The following SHROOM2 variants were observed in gnomAD, a reference collection of about 807,000 sequenced individuals.
The protein encoded by SHROOM2 is protein Shroom2.
SHROOM2 carries 33 observed loss-of-function variants against 75.9 expected under a neutral mutation model. The ratio of observed to expected loss-of-function variants is 0.43; its 90% CI spans 0.33 to 0.58. SHROOM2 has a LOEUF of 0.58. Among genes scored for constraint, SHROOM2 ranks in the 20% least tolerant of loss-of-function variants. The probability of loss-of-function intolerance (pLI) is 0.04; values close to 1 mark genes in which losing one functional copy is unlikely to be tolerated. For synonymous variants in SHROOM2, 655 were observed against 663.6 expected, an observed-to-expected ratio of 0.99 and a Z score of 0.20; for missense variants, 1,434 against 1,461.2, an observed-to-expected ratio of 0.98 and a Z score of 0.30.
chrX:9,863,614 G>GT (rs1569152797), intron 1 of SHROOM2, among the ~76,000 whole-genome samples: 8 of 62,771 alleles, frequency 1.3e-4, no homozygotes, highest in Non-Finnish European at 2.8e-4. Flanking sequence ...ATTTTTTTTT[G>GT]GGGGGGGTGT....
In SHROOM2 at chrX:9,884,029, A is replaced by G. The variant is rs758115853; in HGVS notation, c.318-6948A>G. Among the ~76,000 whole-genome samples the G allele has an allele frequency of 1.7e-4, 19 of 111,554 alleles. No homozygotes were observed. In the East Asian group the frequency reaches 4.8e-3, roughly 28 times the overall value. On this transcript the variant is annotated intron_variant, in intron 2 of 9. Coordinates refer to ENST00000380913, the MANE Select transcript of SHROOM2 (RefSeq NM_001649.4). ...TCTTCCTTATCTCCAAGAAGCCCTTAGAAACTATTATTTATCTGTTTTCCC... is the reference window on the plus strand; with the variant it reads ...TCTTCCTTATCTCCAAGAAGCCCTTGGAAACTATTATTTATCTGTTTTCCC...
chrX:9,836,292 C>T (rs1203811221), intron 1 of SHROOM2, among the ~76,000 whole-genome samples: 3 of 112,113 alleles, frequency 2.7e-5, no homozygotes, highest in African/African-American at 9.7e-5. Context: ...AGGGGAACCC[C>T]TGGCAGCATA....
At position 9,786,598 on chromosome X, in the gene SHROOM2, C is replaced by A. The variant is rs1049699543; in HGVS notation, c.53C>A (p.Thr18Lys). ...ARPERLAEAE[T>K]RAADGGRLVE... ...CCCGAGCGCCTGGCCGAGGCCGAGA[C>A]GCGGGCGGCGGACGGCGGGCGCCTG... The change falls in exon 1 of 10, where the codon ACG becomes AAG. Residue 18 changes from threonine (T) to lysine (K), a missense_variant. This residue lies in a region of SHROOM2 where 1,340 missense variants were observed against 1,338.3 expected (regional missense o/e 1.00). Transcript: ENST00000380913. 7 of 872,753 alleles carry A rather than the reference C, an allele frequency of 8.0e-6. No individual in the cohort carries two copies. In the South Asian group the frequency reaches 1.8e-4, roughly 23 times the overall value. 71.9% of individuals were successfully genotyped at this position (872,753 alleles called of 1,213,427 possible).
In SHROOM2 at chrX:9,797,728, C is replaced by T. The variant is rs187843039; in HGVS notation, c.165+11018C>T. ...CTCCCCGGGGATGATTTCCTGGGAG[C>T]CCTGGAGCATTGGGGCAGGAGGCCG... On this transcript the variant is annotated intron_variant, in intron 1 of 9. Coordinates refer to ENST00000380913, the MANE Select transcript of SHROOM2 (RefSeq NM_001649.4). 9.8e-4 allele frequency among the ~76,000 whole-genome samples: 110 copies of T among 112,203 alleles called. 1 individual carries two copies. The Middle Eastern group carries it at 0.014, about 14-fold the overall frequency.
Position 9,932,361 on chromosome X carries a change from C to T in SHROOM2, c.3078C>T (p.Thr1026=). ...PRDYRYSEES[T]PADLGPRAQS... is the part of the protein sequence containing the mutation. ...ATTATAGATACTCGGAGGAGAGCACCCCAGCAGACTTGGGACCCCGAGCCC... is the reference window on the plus strand; with the variant it reads ...ATTATAGATACTCGGAGGAGAGCACTCCAGCAGACTTGGGACCCCGAGCCC... The change falls in exon 6 of 10, where the codon ACC becomes ACT. Residue 1026 remains threonine, a synonymous_variant. Transcript: ENST00000380913. The T allele has an allele frequency of 8.3e-7, 1 of 1,210,285 alleles. No individual in the cohort carries two copies. Among genetic ancestry groups the T allele is most frequent in the East Asian group, 3.0e-5 (1 of 33,762 alleles).
intron 5 of SHROOM2, among the ~76,000 whole-genome samples, chrX:9,919,741 G>A (rs1027966427): frequency 6.3e-5 from 7 of 111,292 alleles, no homozygotes; most frequent in Non-Finnish European, 1.1e-4. Context: ...GTAGGGCAGG[G>A]CATCTCAACT....
At position 9,928,894 on chromosome X, in the gene SHROOM2, G is replaced by C. The variant is rs752877370; in HGVS notation, c.2892-3281G>C. ...ATATACATCTACACACATACACAGCGCAGGCACACACACAGTGTACATATA... is the reference window on the plus strand; with the variant it reads ...ATATACATCTACACACATACACAGCCCAGGCACACACACAGTGTACATATA... On this transcript the variant is annotated intron_variant, in intron 5 of 9. Coordinates refer to ENST00000380913, the MANE Select transcript of SHROOM2 (RefSeq NM_001649.4). 4.5e-5 allele frequency among the ~76,000 whole-genome samples: 5 copies of C among 112,022 alleles called. No homozygotes were observed. In the South Asian group the frequency reaches 1.8e-3, roughly 41 times the overall value.
intron 5 of SHROOM2, among the ~76,000 whole-genome samples, chrX:9,907,770 CT>C (rs1326523995): frequency 8.9e-6 from 1 of 112,258 alleles, no homozygotes; most frequent in African/African-American, 3.2e-5. Context: ...CTCTGGCCCC[CT>C]GTCTGTTTTT....
At chrX:9,788,767 C>A (rs757262710) in intron 1 of SHROOM2, among the ~76,000 whole-genome samples, 11 of 110,503 alleles carry the variant, frequency 1.0e-4, no homozygotes, top group Non-Finnish European at 2.1e-4. Context: ...ACTTTGTGAG[C>A]TGAATCTCTT....
intron 1 of SHROOM2, among the ~76,000 whole-genome samples, chrX:9,788,528 T>C (rs2083629764): frequency 9.0e-6 from 1 of 111,101 alleles, no homozygotes; most frequent in Admixed American, 9.6e-5. Context: ...ATCAGCCCAT[T>C]TTATAGATGA....
At position 9,949,245 on chromosome X, in the gene SHROOM2, T is replaced by G. The variant is rs192135042; in HGVS notation, c.*2308T>G. 6.2e-5 allele frequency: 19 copies of G among 306,152 alleles called. No homozygotes were observed. In the East Asian group the frequency reaches 1.1e-3, roughly 18 times the overall value. The allele number at this position is 306,152 out of a possible 1,213,427, so 25.2% of individuals were successfully genotyped here. A position where few individuals can be genotyped will look rare whatever the true frequency, so the allele number is the denominator to read the frequency against. ...CTGGTGCTAATGGTTGGCCCTGGTG[T>G]TGTTGGGTGGCAGCTGCTCCTTCGC... On this transcript the variant is annotated 3_prime_UTR_variant, in exon 10 of 10. Transcript: ENST00000380913.
intron 2 of SHROOM2, among the ~76,000 whole-genome samples, chrX:9,884,749 A>G (rs1322345622): frequency 9.0e-6 from 1 of 111,073 alleles, no homozygotes; most frequent in Non-Finnish European, 1.9e-5. Context: ...AGTAAGTTTC[A>G]ATGAAGTTTG....
chrX:9,792,237 G>C (rs1267530771), intron 1 of SHROOM2, among the ~76,000 whole-genome samples: 1 of 110,771 alleles, frequency 9.0e-6, no homozygotes, highest in Non-Finnish European at 1.9e-5. Context: ...CAGTATTTGG[G>C]CTGTCCTGTA....
intron 1 of SHROOM2, among the ~76,000 whole-genome samples, chrX:9,795,803 C>T (rs979386173): frequency 9.2e-6 from 1 of 108,889 alleles, no homozygotes. Context: ...TAATAAACTT[C>T]TGGTGTAGTA....
intron 1 of SHROOM2, among the ~76,000 whole-genome samples, chrX:9,800,497 T>C (rs1364326734): frequency 9.1e-6 from 1 of 109,979 alleles, no homozygotes; most frequent in African/African-American, 3.3e-5. Context: ...CCTGGCACCA[T>C]GCCTGGCAAA....
At chrX:9,942,771 A>G (rs185628552) in intron 8 of SHROOM2, among the ~76,000 whole-genome samples, 89 of 111,186 alleles carry the variant, frequency 8.0e-4, no homozygotes, top group Non-Finnish European at 1.2e-3. Flanking sequence ...GATAGGCCTG[A>G]TAGAAATCTG....
At position 9,914,200 on chromosome X, in the gene SHROOM2, G is replaced by C. The variant is rs772017713; in HGVS notation, c.2891+15910G>C. ...CACAGAGTTTTTTACAGAGTGCTAGGAATAACCATACACGTTGGTGTCAAG... is the reference window on the plus strand; with the variant it reads ...CACAGAGTTTTTTACAGAGTGCTAGCAATAACCATACACGTTGGTGTCAAG... On this transcript the variant is annotated intron_variant, in intron 5 of 9. Transcript: ENST00000380913. 9.3e-5 allele frequency among the ~76,000 whole-genome samples: 10 copies of C among 107,610 alleles called. No homozygotes were observed. In the South Asian group the frequency reaches 4.1e-3, roughly 44 times the overall value. The allele number at this position is 107,610 out of a possible 115,157, so 93.4% of individuals were successfully genotyped here. A position where few individuals can be genotyped will look rare whatever the true frequency, so the allele number is the denominator to read the frequency against.
chrX:9,875,110 A>AAAAAAAG (rs2084192753), intron 2 of SHROOM2, among the ~76,000 whole-genome samples: 3 of 93,123 alleles, frequency 3.2e-5, no homozygotes, highest in Admixed American at 1.2e-4. Flanking sequence ...AAAAAAAAAA[A>AAAAAAAG]GGGGAGGAAG....
In SHROOM2 at chrX:9,896,656, T is replaced by C. The variant is rs2084334338; in HGVS notation, c.2748T>C (p.His916=). 8.3e-7 allele frequency: 1 copy of C among 1,202,214 alleles called. No homozygotes were observed. The change falls in exon 4 of 10, where the codon CAT becomes CAC. Residue 916 remains histidine (H), a synonymous_variant. Transcript: ENST00000380913. The part of the protein sequence containing the change: ...LDPQERPQHV[H]GRSRSSPSTD... ...CACAGGAGAGGCCGCAGCACGTTCA[T>C]GGGAGGTCCCGGTCTTCACCGTCCA...
Sources: gnomAD v4.1 joint callset for allele counts (sites outside exome capture counted in the v4.1 genomes callset) on GRCh38, gnomAD v4.1.1 for gene constraint, gnomAD v4.1.1 regional missense constraint, MANE v1.5 for transcripts, NCBI Gene and HGNC (gene_info 2026-07-23, HGNC 2026-07-21) for gene names.